AGBL2: variants seen among roughly 807,000 people sequenced by gnomAD.
AGBL2 encodes cytosolic carboxypeptidase 2.
In AGBL2, 87 loss-of-function variants were observed where a neutral mutation model predicts 103.0. The observed-to-expected ratio is 0.84, with a 90% CI of 0.71 to 1.01. The LOEUF is 1.01. Among genes scored for constraint, AGBL2 ranks in the 50% least tolerant of loss-of-function variants. AGBL2 has a pLI of 0.00. For synonymous variants in AGBL2, 335 were observed against 356.7 expected (o/e 0.94, Z 0.69); for missense variants, 904 against 1,023.5 (o/e 0.88, Z 1.59).
intron 9 of AGBL2, 111 bp downstream of exon 9, chr11:47,691,992 T>C: frequency 1.0e-6 from 1 of 973,522 alleles, no homozygotes; most frequent in Non-Finnish European, 1.5e-6. Context: ...TACCCATAAC[T>C]ATTCCCCATC....
chr11:47,669,306 G>A (rs927403557), intron 14 of AGBL2, among the ~76,000 whole-genome samples: 5 of 152,154 alleles, frequency 3.3e-5, no homozygotes, highest in African/African-American at 7.2e-5. Flanking sequence ...GTGTTCAAGC[G>A]ATCCTCTTGC....
intron 13 of AGBL2, among the ~76,000 whole-genome samples, chr11:47,678,343 A>ATTATTTTTTTTTTTTT (rs2097385523): frequency 4.8e-4 from 56 of 116,706 alleles, no homozygotes; most frequent in South Asian, 1.4e-3. Context: ...TTATTATTTT[A>ATTATTTTTTTTTTTTT]TTTTTTTTGA....
chr11:47,700,499 A>C (rs2097494069), intron 7 of AGBL2, among the ~76,000 whole-genome samples: 1 of 152,030 alleles, frequency 6.6e-6, no homozygotes, highest in South Asian at 2.1e-4. Context: ...GAATCGCTCT[A>C]ACCTGGGAGG....
At chr11:47,660,376 T>G in intron 18 of AGBL2, 30 bp from the exon 19 acceptor site, 1 of 1,580,044 alleles carries the variant, frequency 6.3e-7, no homozygotes, top group East Asian at 2.3e-5. Context: ...AAAAGTTGAA[T>G]TCAGTTTATT....
intron 8 of AGBL2, among the ~76,000 whole-genome samples, chr11:47,696,767 T>C (rs2097475819): frequency 6.6e-6 from 1 of 152,184 alleles, no homozygotes; most frequent in Non-Finnish European, 1.5e-5. Context: ...TTGGTCCTTA[T>C]GTTACCTTTT....
chr11:47,690,951 T>A, intron 9 of AGBL2, 93 bp from the exon 10 acceptor site: 1 of 1,010,982 alleles, frequency 9.9e-7, no homozygotes, highest in Non-Finnish European at 1.4e-6. Context: ...TAAAAACAGG[T>A]CTTATTACAA....
rs981284105 is a variant in AGBL2, at chr11:47,661,173, A to AT, written c.2536-828dup. On this transcript the variant is annotated intron_variant, in intron 18 of 18. Coordinates refer to ENST00000525123, the MANE Select transcript of AGBL2 (RefSeq NM_024783.4). Reference sequence around the variant, plus strand: ...GCAAGACCCTGTCTCAAAAAAAAAAATTTTTTTTTAAGAAAATGAACTAAA... The same window carrying AT: ...GCAAGACCCTGTCTCAAAAAAAAAAATTTTTTTTTTAAGAAAATGAACTAAA... Among the ~76,000 whole-genome samples, 5 of 151,466 alleles carry AT rather than the reference A, an allele frequency of 3.3e-5. No individual in the cohort carries two copies. In the East Asian group the frequency reaches 5.8e-4, roughly 18 times the overall value.
intron 8 of AGBL2, among the ~76,000 whole-genome samples, chr11:47,695,564 C>T (rs964485621): frequency 6.7e-6 from 1 of 149,264 alleles, no homozygotes; most frequent in African/African-American, 2.5e-5. Context: ...TGCTTGAGCA[C>T]AGGAGTTTGA....
chr11:47,705,923 AAG>A lies in AGBL2; in HGVS notation c.233-8_233-7del. The A allele has an allele frequency of 6.2e-7, 1 of 1,613,910 alleles. No homozygotes were observed. The highest frequency in any genetic ancestry group is 8.5e-7 in the Non-Finnish European group (1 of 1,179,814). ...TGAAGATAAACTGATAGGCCCTAGA[AAG>A]AGGAAGAGGAGGCACCCTTGGTGTC... On this transcript the variant is annotated splice_polypyrimidine_tract_variant and splice_region_variant and intron_variant, in intron 4 of 18. Transcript: ENST00000525123.
rs2097422205 is a variant in AGBL2 at position 47,686,009 on chromosome 11, G to A, written c.1672C>T (p.His558Tyr). The change falls in exon 11 of 19, where the codon CAT becomes TAT. Residue 558 changes from histidine (H) to tyrosine (Y), a missense_variant. Physicochemically the swap from His to Tyr is moderately conservative, Grantham distance 83 (BLOSUM62 2). Coordinates refer to ENST00000525123, the MANE Select transcript of AGBL2 (RefSeq NM_024783.4). ...EREVLLYCDF[H>Y]GHSRKNNIFL... ...ATATTATTCTTACGACTGTGGCCAT[G>A]GAAATCACAATACAACAGAACCTCT... The A allele has an allele frequency of 1.9e-6, 3 of 1,613,966 alleles. No individual in the cohort carries two copies. Among genetic ancestry groups the A allele is most frequent in the Admixed American group, 1.7e-5 (1 of 59,964 alleles).
chr11:47,678,996 T>G (rs890979455), intron 13 of AGBL2, among the ~76,000 whole-genome samples: 3 of 127,634 alleles, frequency 2.4e-5, no homozygotes, highest in Middle Eastern at 0.011. Context: ...GAGGTGGAGA[T>G]TGCAGTGAGC....
chr11:47,700,399 T>G (rs947143175), intron 7 of AGBL2, among the ~76,000 whole-genome samples: 15 of 151,566 alleles, frequency 9.9e-5, no homozygotes, highest in Non-Finnish European at 2.1e-4. Flanking sequence ...GCCAACATAG[T>G]GAAACTCTGC....
Position 47,667,045 on chromosome 11 carries a change from A to C in AGBL2, c.2359T>G (p.Ser787Ala). 1 of 1,606,336 alleles carries C rather than the reference A, an allele frequency of 6.2e-7. No individual in the cohort carries two copies. The change falls in exon 17 of 19, where the codon TCT becomes GCT. Residue 787 changes from serine to alanine, a missense_variant. Ser to Ala is a moderately conservative substitution (Grantham distance 99, BLOSUM62 1). Coordinates refer to ENST00000525123, the MANE Select transcript of AGBL2 (RefSeq NM_024783.4). ...AAGGTTGGCTGCTTTTGCAGAGTAG[A>C]AGCAAATCCTGCCTTTTCCTAGGAT... The part of the protein sequence containing the change: ...EDTSEKAGFA[S>A]TLQKQPTFFK...
Position 47,682,080 on chromosome 11 carries a change from A to C in AGBL2, c.1804T>G (p.Cys602Gly). The C allele has an allele frequency of 6.2e-7, 1 of 1,613,956 alleles. No homozygotes were observed. Among genetic ancestry groups the C allele is most frequent in the East Asian group, 2.2e-5 (1 of 44,878 alleles). Residue 602 changes from cysteine (C) to glycine (G), a missense_variant, in exon 12 of 19, where the codon TGT (cysteine) becomes GGT (glycine). Transcript: ENST00000525123. ...TTGCATTTTTGGACCTTAAAATTAC[A>C]ACTGTGAAAAGAGAACTAAAAAGAA... is the stretch of plus-strand genomic sequence containing the variant. Reference protein sequence around the residue: ...NAPDKFSFHSCNFKVQKCKEG... With the variant: ...NAPDKFSFHSGNFKVQKCKEG...
intron 4 of AGBL2, among the ~76,000 whole-genome samples, chr11:47,707,857 A>G (rs1386551412): frequency 6.6e-6 from 1 of 152,054 alleles, no homozygotes; most frequent in East Asian, 1.9e-4. Context: ...ATGCTTATTG[A>G]CTATGTTTTT....
chr11:47,701,695 G>A (rs1021756667), intron 7 of AGBL2, among the ~76,000 whole-genome samples: 21 of 151,780 alleles, frequency 1.4e-4, no homozygotes, highest in Non-Finnish European at 2.8e-4. Context: ...CCAGGTGGCC[G>A]GGCACAGTGG....
intron 14 of AGBL2, among the ~76,000 whole-genome samples, chr11:47,671,205 G>A (rs1598912805): frequency 6.6e-6 from 1 of 151,910 alleles, no homozygotes; most frequent in Admixed American, 6.6e-5. Context: ...CTATGACAGG[G>A]GTCTATACAC....
intron 15 of AGBL2, 148 bp downstream of exon 15, chr11:47,668,693 A>C: frequency 1.7e-6 from 1 of 574,998 alleles, no homozygotes; most frequent in Non-Finnish European, 3.1e-6. Flanking sequence ...GGACAAAACA[A>C]GAGACTTTAG....
At chr11:47,697,497 C>CA (rs2097479871) in intron 8 of AGBL2, among the ~76,000 whole-genome samples, 1 of 149,512 alleles carries the variant, frequency 6.7e-6, no homozygotes, top group South Asian at 2.1e-4. Flanking sequence ...CTTGGCCTTC[C>CA]AAAGTGCTGG....
Sources: allele counts gnomAD v4.1 joint callset (sites outside exome capture counted in the v4.1 genomes callset), GRCh38; gene constraint gnomAD v4.1.1; transcripts MANE v1.5; gene names NCBI Gene and HGNC (gene_info 2026-07-23, HGNC 2026-07-21).